The following WDR49 variants were observed in gnomAD, a reference collection of about 807,000 sequenced individuals.
WDR49 encodes the protein cilia- and flagella-associated protein 337.
Under a neutral mutation model 119.5 loss-of-function variants are expected in WDR49, and 107 were observed. The observed-to-expected ratio is 0.90, with a 90% CI of 0.77 to 1.05. WDR49 has a LOEUF of 1.05. Among genes scored for constraint, WDR49 ranks in the 50% least tolerant of loss-of-function variants. The pLI is 0.00. For synonymous variants in WDR49, 425 were observed against 418.8 expected (o/e 1.01, Z -0.18); for missense variants, 1,240 against 1,220.5 (o/e 1.02, Z -0.24).
intron 2 of WDR49, among the ~76,000 whole-genome samples, chr3:167,644,696 T>C (rs1015905339): frequency 6.6e-6 from 1 of 152,152 alleles, no homozygotes; most frequent in Non-Finnish European, 1.5e-5. Context: ...AGGATTAGAA[T>C]TGCTGATTAA....
intron 15 of WDR49, among the ~76,000 whole-genome samples, chr3:167,526,402 T>G (rs1226593028): frequency 2.0e-5 from 3 of 152,104 alleles, no homozygotes; most frequent in African/African-American, 7.2e-5. Context: ...TTGATGACGT[T>G]TCGTTTCTTT....
chr3:167,653,337 A>G lies in WDR49; in HGVS notation c.89T>C (p.Phe30Ser). ...AAGCAGGCCTGTGCCATAGTCTTCA[A>G]ATGCAGTTACACCTTCTGTTCTCTC... is the stretch of plus-strand genomic sequence containing the variant. ...SPERTEGVTAFEDYGTGLLEN... is the reference protein window; with the variant it reads ...SPERTEGVTASEDYGTGLLEN... The change falls in exon 2 of 19, where the codon TTT (phenylalanine) becomes TCT (serine). Residue 30 changes from phenylalanine (F) to serine (S), a missense_variant. Transcript: ENST00000682715. 6.5e-7 allele frequency: 1 copy of G among 1,536,174 alleles called. No individual in the cohort carries two copies.
intron 5 of WDR49, among the ~76,000 whole-genome samples, chr3:167,611,687 T>C (rs1454628558): frequency 6.6e-6 from 1 of 152,168 alleles, no homozygotes; most frequent in Admixed American, 6.5e-5. Context: ...GGAGTCACTA[T>C]ACTTTTATCA....
chr3:167,614,954 A>G (rs1307555885), intron 5 of WDR49, among the ~76,000 whole-genome samples: 2 of 152,212 alleles, frequency 1.3e-5, no homozygotes, highest in African/African-American at 4.8e-5. Context: ...AAAGGAACAG[A>G]ATCCAAAACA....
At chr3:167,519,496 G>A (rs976076012) in intron 16 of WDR49, among the ~76,000 whole-genome samples, 2 of 152,020 alleles carry the variant, frequency 1.3e-5, no homozygotes, top group African/African-American at 4.8e-5. Flanking sequence ...GACATGGATG[G>A]AGCTGGAAGC....
chr3:167,489,718 A>C (rs193218207), intron 18 of WDR49, among the ~76,000 whole-genome samples: 35 of 152,220 alleles, frequency 2.3e-4, no homozygotes, highest in African/African-American at 7.9e-4. Flanking sequence ...TAACTATATC[A>C]GCTGAACAAC....
chr3:167,617,372 C>A (rs1439222398), intron 5 of WDR49, among the ~76,000 whole-genome samples: 2 of 151,972 alleles, frequency 1.3e-5, no homozygotes, highest in African/African-American at 4.8e-5. Flanking sequence ...ACTAAAAATA[C>A]AAAAATTAGC....
chr3:167,576,403 T>A (rs1029914229), intron 7 of WDR49, among the ~76,000 whole-genome samples: 11 of 152,122 alleles, frequency 7.2e-5, no homozygotes, highest in Admixed American at 7.2e-4. Flanking sequence ...GGCTTGGCAT[T>A]TAGTAAGTGT....
At position 167,529,211 on chromosome 3, in the gene WDR49, TC is replaced by T; in HGVS notation, c.2246del (p.Gly749AspfsTer35). On this transcript the variant is annotated frameshift_variant, in exon 14 of 19. Coordinates refer to ENST00000682715, the MANE Select transcript of WDR49 (RefSeq NM_001366157.1). LOFTEE classifies it high-confidence loss of function. ...TGGANLVSCGGSGYVRFWDIY... is the reference protein window; with the variant it reads ...TGGANLVSCGXSGYVRFWDIY... ...TATCCCAAAATCTGACATAACCAGA[TC>T]CTCCACATGATACCAGGTTAGCTCC... The T allele has an allele frequency of 1.9e-6, 3 of 1,605,830 alleles. No individual in the cohort carries two copies. The highest frequency in any genetic ancestry group is 2.5e-6 in the Non-Finnish European group (3 of 1,177,340).
chr3:167,589,151 A>C (rs957914784), intron 7 of WDR49, among the ~76,000 whole-genome samples: 2 of 152,138 alleles, frequency 1.3e-5, no homozygotes, highest in African/African-American at 4.8e-5. Context: ...TATCTTCTGC[A>C]TATAGATATT....
chr3:167,512,058 C>T (rs562881860), intron 16 of WDR49, among the ~76,000 whole-genome samples: 68 of 152,274 alleles, frequency 4.5e-4, no homozygotes, highest in African/African-American at 1.3e-3. Context: ...GCAGTCCAGA[C>T]GAGTGGAATT....
intron 16 of WDR49, among the ~76,000 whole-genome samples, chr3:167,520,775 G>A (rs1032734599): frequency 1.3e-5 from 2 of 152,096 alleles, no homozygotes; most frequent in East Asian, 1.9e-4. Flanking sequence ...TGTGTGAAGA[G>A]TCATTTTGCC....
intron 10 of WDR49, among the ~76,000 whole-genome samples, chr3:167,548,399 T>A (rs1712339154): frequency 6.6e-6 from 1 of 151,996 alleles, no homozygotes; most frequent in Non-Finnish European, 1.5e-5. Context: ...ACATTTATGG[T>A]TTGACTTAAA....
intron 17 of WDR49, among the ~76,000 whole-genome samples, chr3:167,504,450 C>A (rs1313873626): frequency 2.0e-5 from 3 of 152,158 alleles, no homozygotes; most frequent in Non-Finnish European, 4.4e-5. Context: ...GCCTAGAGCC[C>A]CTTTCTTTTG....
At chr3:167,638,714 G>A (rs184408932) in intron 2 of WDR49, among the ~76,000 whole-genome samples, 2 of 151,542 alleles carry the variant, frequency 1.3e-5, no homozygotes, top group East Asian at 1.9e-4. Flanking sequence ...GGTCCATAGC[G>A]CTCTTTTTTT....
intron 2 of WDR49, among the ~76,000 whole-genome samples, chr3:167,650,171 A>C (rs1718305967): frequency 2.0e-5 from 3 of 152,228 alleles, no homozygotes; most frequent in Admixed American, 2.0e-4. Context: ...CATTTTCCTT[A>C]GACCAAAATT....
intron 4 of WDR49, 128 bp from the exon 5 acceptor site, chr3:167,620,731 G>T: frequency 1.1e-6 from 1 of 904,458 alleles, no homozygotes; most frequent in Non-Finnish European, 1.6e-6. Flanking sequence ...TTATTTAAAG[G>T]ATGCAGGGTG....
chr3:167,544,478 G>A (rs1712043302), intron 10 of WDR49, among the ~76,000 whole-genome samples: 1 of 151,590 alleles, frequency 6.6e-6, no homozygotes, highest in South Asian at 2.1e-4. Flanking sequence ...AGACCGGTGG[G>A]ACATAGACAT....
chr3:167,519,154 C>T (rs926137093), intron 16 of WDR49, among the ~76,000 whole-genome samples: 4 of 152,008 alleles, frequency 2.6e-5, no homozygotes, highest in Non-Finnish European at 4.4e-5. Context: ...CAGAGAGATA[C>T]GAATGCTTTT....
Sources: allele counts gnomAD v4.1 joint callset (sites outside exome capture counted in the v4.1 genomes callset), GRCh38; gene constraint gnomAD v4.1.1; transcripts MANE v1.5; gene names NCBI Gene and HGNC (gene_info 2026-07-23, HGNC 2026-07-21).